The following DGKB variants were observed in gnomAD, a reference collection of about 807,000 sequenced individuals.
DGKB encodes diacylglycerol kinase beta, also known as 90 kDa diacylglycerol kinase.
A neutral mutation model predicts 114.3 loss-of-function variants in DGKB; 67 were observed. The observed-to-expected ratio is 0.59, with a 90% CI of 0.48 to 0.72. The LOEUF (loss-of-function observed/expected upper bound fraction) is 0.72, where lower values mean the gene tolerates loss of function less well. Ranked by LOEUF, DGKB falls within the 30% of genes least tolerant of loss-of-function variation. The pLI, the probability that DGKB is intolerant of heterozygous loss-of-function variation, is 0.00. For synonymous variants in DGKB, 398 were observed against 323.1 expected (o/e 1.23, Z -2.49); for missense variants, 907 against 975.2 (o/e 0.93, Z 0.93).
chr7:14,234,423 C>T (rs775542954), intron 23 of DGKB, among the ~76,000 whole-genome samples: 4 of 151,920 alleles, frequency 2.6e-5, no homozygotes, highest in Non-Finnish European at 5.9e-5. Context: ...TAAAATATCC[C>T]CCAATAAAAT....
intron 1 of DGKB, among the ~76,000 whole-genome samples, chr7:14,939,621 C>CTTTTTTT (rs60427374): frequency 3.6e-5 from 3 of 84,146 alleles, no homozygotes; most frequent in African/African-American, 9.7e-5. Context: ...AAATATAATA[C>CTTTTTTT]TTTTTTTTTT....
intron 13 of DGKB, among the ~76,000 whole-genome samples, chr7:14,654,067 T>A (rs542515897): frequency 6.6e-6 from 1 of 152,150 alleles, no homozygotes; most frequent in African/African-American, 2.4e-5. Context: ...ATAAAGGGCA[T>A]CCAAATTGGA....
At chr7:14,467,191 A>G (rs189828350) in intron 21 of DGKB, among the ~76,000 whole-genome samples, 5 of 149,282 alleles carry the variant, frequency 3.3e-5, no homozygotes, top group African/African-American at 1.2e-4. Flanking sequence ...TAATTATTTT[A>G]TTACTTACTG....
chr7:14,698,544 A>AAAAAT (rs1292897303), intron 7 of DGKB, among the ~76,000 whole-genome samples: 13 of 152,170 alleles, frequency 8.5e-5, no homozygotes, highest in Non-Finnish European at 1.9e-4. Flanking sequence ...GAAAGGGTGG[A>AAAAAT]CAAATCATTT....
rs375597984 is a variant in DGKB at position 14,947,159 on chromosome 7, CCTT to C, written c.-188+27534_-188+27536del. Among the ~76,000 whole-genome samples, 376 of 151,686 alleles carry C rather than the reference CCTT, an allele frequency of 2.5e-3. 2 individuals are homozygous for C. The highest frequency in any genetic ancestry group is 8.8e-3 in the African/African-American group (364 of 41,490). ...AAATTCTAATTTTTGAGATGATTCA[CCTT>C]CTTATTTTACTAAGTATCTTTATAA... On this transcript the variant is annotated intron_variant, in intron 1 of 4. Transcript: ENST00000437998.
intron 6 of DGKB, among the ~76,000 whole-genome samples, chr7:14,717,202 T>C (rs1317878584): frequency 6.6e-6 from 1 of 152,144 alleles, no homozygotes; most frequent in Non-Finnish European, 1.5e-5. Flanking sequence ...AAAAGCAATA[T>C]ACATCCAGCT....
chr7:14,628,151 C>G (rs1201497997), intron 14 of DGKB, among the ~76,000 whole-genome samples: 2 of 152,116 alleles, frequency 1.3e-5, no homozygotes, highest in Non-Finnish European at 2.9e-5. Flanking sequence ...TATTAGCCCT[C>G]AATCTGTTTA....
intron 20 of DGKB, among the ~76,000 whole-genome samples, chr7:14,573,493 G>A (rs980779362): frequency 2.6e-5 from 4 of 151,686 alleles, no homozygotes; most frequent in African/African-American, 4.8e-5. Context: ...GTGTGTGTGT[G>A]TGTGTGTGTG....
intron 20 of DGKB, among the ~76,000 whole-genome samples, chr7:14,494,457 A>C (rs1257224202): frequency 6.6e-6 from 1 of 151,980 alleles, no homozygotes; most frequent in African/African-American, 2.4e-5. Context: ...CACCAAAAGA[A>C]ATAAAAAGCA....
intron 23 of DGKB, among the ~76,000 whole-genome samples, chr7:14,292,115 G>GTGAT (rs1181896710): frequency 6.6e-6 from 1 of 152,162 alleles, no homozygotes; most frequent in Non-Finnish European, 1.5e-5. Flanking sequence ...TTCATGAAAA[G>GTGAT]TGATTTTATT....
chr7:14,331,958 T>C (rs1017270371), intron 23 of DGKB, among the ~76,000 whole-genome samples: 3 of 152,198 alleles, frequency 2.0e-5, no homozygotes. Context: ...GATGAGGATA[T>C]GTTTGGTGCA....
intron 21 of DGKB, among the ~76,000 whole-genome samples, chr7:14,395,468 G>A (rs1159439837): frequency 6.6e-6 from 1 of 151,690 alleles, no homozygotes; most frequent in African/African-American, 2.4e-5. Flanking sequence ...GTAACAAAAA[G>A]GAAAAATTTC....
chr7:14,245,666 G>T (rs1029745345), intron 23 of DGKB, among the ~76,000 whole-genome samples: 1 of 152,160 alleles, frequency 6.6e-6, no homozygotes, highest in African/African-American at 2.4e-5. Context: ...GACGGCTGAC[G>T]CCTGTAATCC....
chr7:14,813,619 A>T (rs1286044228), intron 2 of DGKB, among the ~76,000 whole-genome samples: 1 of 152,198 alleles, frequency 6.6e-6, no homozygotes, highest in East Asian at 1.9e-4. Flanking sequence ...ACTCAAAATT[A>T]AACTGTATGC....
intron 20 of DGKB, among the ~76,000 whole-genome samples, chr7:14,492,671 C>G (rs1235654847): frequency 6.6e-6 from 1 of 152,022 alleles, no homozygotes; most frequent in Non-Finnish European, 1.5e-5. Flanking sequence ...TGATGTATTT[C>G]TAGGTCTGAC....
intron 21 of DGKB, among the ~76,000 whole-genome samples, chr7:14,390,714 G>A (rs1309443644): frequency 6.6e-6 from 1 of 152,048 alleles, no homozygotes; most frequent in African/African-American, 2.4e-5. Context: ...GGTCCCAGGT[G>A]TCTCTTATTA....
chr7:14,678,965 A>G (rs1464087876), intron 12 of DGKB, among the ~76,000 whole-genome samples: 1 of 152,070 alleles, frequency 6.6e-6, no homozygotes, highest in Non-Finnish European at 1.5e-5. Flanking sequence ...GACTGGAAGC[A>G]TGACAATACC....
intron 1 of DGKB, among the ~76,000 whole-genome samples, chr7:14,880,825 A>C (rs1854108877): frequency 6.6e-6 from 1 of 152,198 alleles, no homozygotes; most frequent in African/African-American, 2.4e-5. Flanking sequence ...TTGCTTATAC[A>C]ACTACATAAT....
At chr7:14,247,155 A>G (rs987905872) in intron 23 of DGKB, among the ~76,000 whole-genome samples, 2 of 152,114 alleles carry the variant, frequency 1.3e-5, no homozygotes, top group African/African-American at 4.8e-5. Context: ...TATTGTCACA[A>G]ATGACAAAAT....
Sources: gnomAD v4.1 joint callset for allele counts (sites outside exome capture counted in the v4.1 genomes callset) on GRCh38, gnomAD v4.1.1 for gene constraint, MANE v1.5 for transcripts, NCBI Gene and HGNC (gene_info 2026-07-23, HGNC 2026-07-21) for gene names.